The following FGFR1 variants were observed in gnomAD, a reference collection of about 807,000 sequenced individuals.
FGFR1 encodes the protein FGFR1/PLAG1 fusion.
A neutral mutation model predicts 93.7 loss-of-function variants in FGFR1; 18 were observed. The observed-to-expected ratio is 0.19, with a 90% CI of 0.13 to 0.28. The LOEUF is 0.28. Ranked by LOEUF, FGFR1 falls within the 10% of genes least tolerant of loss-of-function variation. The pLI is 1.00. For synonymous variants in FGFR1, 448 were observed against 429.3 expected (o/e 1.04, Z -0.54); for missense variants, 731 against 1,080.4 (o/e 0.68, Z 4.53).
chr8:38,440,983 C>T (rs562790077), intron 2 of FGFR1, among the ~76,000 whole-genome samples: 11 of 152,230 alleles, frequency 7.2e-5, no homozygotes, highest in Admixed American at 2.0e-4. Context: ...GCCTTTTGTG[C>T]GTCCCACCTC....
intron 2 of FGFR1, among the ~76,000 whole-genome samples, chr8:38,433,557 GC>G (rs1266782200): frequency 6.6e-6 from 1 of 152,150 alleles, no homozygotes. Context: ...TGATCTGCCC[GC>G]CTCGGTCCTT....
intron 2 of FGFR1, among the ~76,000 whole-genome samples, chr8:38,440,980 G>A (rs1227814062): frequency 6.6e-6 from 1 of 152,104 alleles, no homozygotes; most frequent in African/African-American, 2.4e-5. Context: ...TCGGCCTTTT[G>A]TGCGTCCCAC....
chr8:38,425,161 G>A (rs1820294492), intron 6 of FGFR1, among the ~76,000 whole-genome samples: 1 of 150,694 alleles, frequency 6.6e-6, no homozygotes, highest in South Asian at 2.1e-4. Context: ...TTTTTTTAAA[G>A]GCAGGGTCTC....
At chr8:38,423,315 T>A in intron 7 of FGFR1, 1 of 332,802 alleles carries the variant, frequency 3.0e-6, no homozygotes, top group African/African-American at 2.2e-5. Flanking sequence ...CCTTTTAGTT[T>A]TTTTTTTTTT....
chr8:38,420,048 G>A, intron 8 of FGFR1: 1 of 395,918 alleles, frequency 2.5e-6, no homozygotes, highest in Non-Finnish European at 4.7e-6. Flanking sequence ...GGCACCCAGG[G>A]ATCCTGCAAG....
intron 14 of FGFR1, 43 bp downstream of exon 14, chr8:38,414,736 T>C (rs927214668): frequency 6.2e-7 from 1 of 1,613,730 alleles, no homozygotes; most frequent in Non-Finnish European, 8.5e-7. Flanking sequence ...TCCTTGCTTC[T>C]CAGATGAAAC....
chr8:38,414,379 A>ACAG, intron 15 of FGFR1, 90 bp from the exon 16 acceptor site: 1 of 1,596,486 alleles, frequency 6.3e-7, no homozygotes, highest in Non-Finnish European at 8.6e-7. Context: ...GTGCCAGGAG[A>ACAG]CAGCATGGAG....
Position 38,417,268 on chromosome 8 carries a change from C to G in FGFR1, c.1663+38G>C, listed in dbSNP as rs141838706. On this transcript the variant is annotated intron_variant, in intron 12 of 17. Coordinates refer to ENST00000447712, the MANE Select transcript of FGFR1 (RefSeq NM_023110.3). Reference sequence around the variant, plus strand: ...CTGATACCCCAGCTCAGATCTTCTCCCCGCTGGGCAGGGAAAGCCAGTCTG... The same window carrying G: ...CTGATACCCCAGCTCAGATCTTCTCGCCGCTGGGCAGGGAAAGCCAGTCTG... The G allele has an allele frequency of 4.0e-4, 609 of 1,517,468 alleles. 5 individuals carry two copies. The Middle Eastern group carries it at 7.8e-3, about 19-fold the overall frequency. The allele number at this position is 1,517,468 out of a possible 1,614,324, so 94.0% of individuals were successfully genotyped here. A position where few individuals can be genotyped will look rare whatever the true frequency, so the allele number is the denominator to read the frequency against.
chr8:38,414,410 T>C, intron 15 of FGFR1, 121 bp from the exon 16 acceptor site: 1 of 1,560,036 alleles, frequency 6.4e-7, no homozygotes, highest in Non-Finnish European at 8.8e-7. Flanking sequence ...CCTTTCAACA[T>C]CTGGAGCAGA....
intron 2 of FGFR1, chr8:38,435,458 C>G (rs781064135): frequency 6.6e-6 from 1 of 152,204 alleles, no homozygotes. Flanking sequence ...CACTTTCTTA[C>G]AGGAGATGAA....
At chr8:38,430,040 T>C (rs1253191354) in intron 2 of FGFR1, 92 bp from the exon 3 acceptor site, 1 of 1,295,628 alleles carries the variant, frequency 7.7e-7, no homozygotes, top group Non-Finnish European at 1.1e-6. Flanking sequence ...GGAATTACGC[T>C]GGCCACACGG....
Position 38,414,903 on chromosome 8 carries a change from TGAGGAAG to T in FGFR1, c.1855-9_1855-3del. 2 of 1,612,152 alleles carry T rather than the reference TGAGGAAG, an allele frequency of 1.2e-6. No homozygotes were observed. The highest frequency in any genetic ancestry group is 1.7e-6 in the Non-Finnish European group (2 of 1,179,270). On this transcript the variant is annotated splice_polypyrimidine_tract_variant and splice_region_variant and intron_variant, in intron 13 of 17. Coordinates refer to ENST00000447712, the MANE Select transcript of FGFR1 (RefSeq NM_023110.3). ...GGCTGCCAGGTCTCGGTGTATGCAC[TGAGGAAG>T]GAGGAAGGGAGAGCGGGAGGCGGGG... is the stretch of plus-strand genomic sequence containing the variant.
In FGFR1 at chr8:38,424,796, G is replaced by GGGA; in HGVS notation, c.746-98_746-97insTCC. On this transcript the variant is annotated intron_variant, in intron 6 of 17. Transcript: ENST00000447712. This position sits in a 1 kb window ranked among gnomAD's most constrained non-coding sequence, Gnocchi z 4.3. ...CGCCCCACTTGGCTTTCCCAGTGAT[G>GGGA]GGTTGTAAACCTCCCAGCACTTCTG... The GGGA allele has an allele frequency of 7.6e-7, 1 of 1,318,134 alleles. No homozygotes were observed. The highest frequency in any genetic ancestry group is 1.1e-6 in the Non-Finnish European group (1 of 945,924). 81.7% of individuals were successfully genotyped at this position (1,318,134 alleles called of 1,614,324 possible). A position where few individuals can be genotyped will look rare whatever the true frequency, so the allele number is the denominator to read the frequency against.
intron 5 of FGFR1, among the ~76,000 whole-genome samples, chr8:38,427,101 C>T (rs1243907373): frequency 8.5e-4 from 120 of 140,542 alleles, no homozygotes; most frequent in African/African-American, 3.0e-3. Context: ...AGTGAGACTC[C>T]GTCTAAAAAA....
At chr8:38,440,225 C>T (rs1826898625) in intron 2 of FGFR1, 7 of 1,254,840 alleles carry the variant, frequency 5.6e-6, no homozygotes, top group Non-Finnish European at 6.8e-6. Context: ...GAGCACAGAA[C>T]AGCGCAGCGG....
At chr8:38,422,106 T>G in intron 7 of FGFR1, 165 bp from the exon 8 acceptor site, 1 of 776,944 alleles carries the variant, frequency 1.3e-6, no homozygotes, top group Non-Finnish European at 2.2e-6. Context: ...CAGCAAAACC[T>G]GTTAGAGGAA....
chr8:38,414,636 G>A lies in FGFR1; in HGVS notation c.1978-7C>T, dbSNP rs1392064711. 24 of 1,613,818 alleles carry A rather than the reference G, an allele frequency of 1.5e-5. No individual in the cohort carries two copies. In the South Asian group the frequency reaches 1.9e-4, roughly 13 times the overall value. On this transcript the variant is annotated splice_region_variant and splice_polypyrimidine_tract_variant and intron_variant, in intron 14 of 17. Coordinates refer to ENST00000447712, the MANE Select transcript of FGFR1 (RefSeq NM_023110.3). Reference sequence around the variant, plus strand: ...ACTTCACAGGCAGTCGGCCCTGAAAGCAGCACAGGGGAGGTTGGAGTGGCC... The same window carrying A: ...ACTTCACAGGCAGTCGGCCCTGAAAACAGCACAGGGGAGGTTGGAGTGGCC...
At chr8:38,423,318 T>TTC in intron 7 of FGFR1, 1 of 583,662 alleles carries the variant, frequency 1.7e-6, no homozygotes, top group Non-Finnish European at 3.0e-6. Flanking sequence ...TTTAGTTTTT[T>TTC]TTTTTTTTTT....
In FGFR1 at chr8:38,428,406, C is replaced by T. The variant is rs757823218; in HGVS notation, c.388G>A (p.Asp130Asn). The T allele has an allele frequency of 6.2e-7, 1 of 1,613,934 alleles. No individual in the cohort carries two copies. Among genetic ancestry groups the T allele is most frequent in the Non-Finnish European group, 8.5e-7 (1 of 1,180,006 alleles). The change falls in exon 4 of 18, where the codon GAT becomes AAT. Residue 130 changes from aspartate to asparagine, a missense_variant. Coordinates refer to ENST00000447712, the MANE Select transcript of FGFR1 (RefSeq NM_023110.3). ...TCCTCTGAAGAGGAGTCATCATCAT[C>T]ATCATCATCCTCCGAGGAGGGGAGA... ...DALPSSEDDD[D>N]DDDSSSEEKE...
Sources: allele counts gnomAD v4.1 joint callset (sites outside exome capture counted in the v4.1 genomes callset), GRCh38; gene constraint gnomAD v4.1.1; non-coding constraint Gnocchi (gnomAD v3.1); transcripts MANE v1.5; gene names NCBI Gene and HGNC (gene_info 2026-07-23, HGNC 2026-07-21).